DHX37: variants seen among roughly 807,000 people sequenced by gnomAD.
DHX37 encodes the protein DEAH-box helicase 37, also known as probable ATP-dependent RNA helicase DHX37.
DHX37 carries 52 observed loss-of-function variants against 134.3 expected under a neutral mutation model. That is an observed-to-expected ratio of 0.39 (90% confidence interval 0.31 to 0.49). The LOEUF (loss-of-function observed/expected upper bound fraction) is 0.49, where lower values mean the gene tolerates loss of function less well. Among genes scored for constraint, DHX37 ranks in the 20% least tolerant of loss-of-function variants. The pLI is 0.93. For missense variants in DHX37, 1,344 were observed against 1,580.8 expected, an observed-to-expected ratio of 0.85 and a Z score of 2.54; for synonymous variants, 634 against 670.7, an observed-to-expected ratio of 0.95 and a Z score of 0.85.
chr12:124,966,059 C>T (rs1334106883), intron 12 of DHX37, among the ~76,000 whole-genome samples: 1 of 152,212 alleles, frequency 6.6e-6, no homozygotes, highest in Non-Finnish European at 1.5e-5. Flanking sequence ...GAACCTGGAT[C>T]GCTGCCTGAC....
intron 8 of DHX37, among the ~76,000 whole-genome samples, chr12:124,970,573 G>A (rs1444354150): frequency 6.6e-6 from 1 of 152,138 alleles, no homozygotes; most frequent in Non-Finnish European, 1.5e-5. Context: ...TTCGGGTGAA[G>A]CCCTCACTAG....
chr12:124,986,788 C>T (rs906919826), intron 1 of DHX37, among the ~76,000 whole-genome samples: 1 of 152,012 alleles, frequency 6.6e-6, no homozygotes, highest in African/African-American at 2.4e-5. Flanking sequence ...CTTTGTCCCC[C>T]AGACTAGAGT....
In DHX37 at chr12:124,950,253, G is replaced by A; in HGVS notation, c.3122-10C>T. The A allele has an allele frequency of 6.2e-7, 1 of 1,613,396 alleles. No individual in the cohort carries two copies. The highest frequency in any genetic ancestry group is 8.5e-7 in the Non-Finnish European group (1 of 1,179,964). On this transcript the variant is annotated splice_polypyrimidine_tract_variant and intron_variant, in intron 23 of 26. Transcript: ENST00000308736. The stretch of plus-strand genomic sequence containing the variant: ...GGCCAGCCCACGCGATCTAGAAGGT[G>A]GGAGCCAGTGAGACAGGGACCCTCC...
intron 7 of DHX37, among the ~76,000 whole-genome samples, chr12:124,971,925 C>T (rs1046226583): frequency 2.0e-5 from 3 of 152,224 alleles, no homozygotes; most frequent in Admixed American, 1.3e-4. Flanking sequence ...ACTAGGGAGG[C>T]AGCAGCTGGG....
intron 5 of DHX37, among the ~76,000 whole-genome samples, 178 bp downstream of exon 5, chr12:124,977,164 C>T (rs1051412366): frequency 2.0e-5 from 3 of 152,210 alleles, no homozygotes; most frequent in African/African-American, 7.2e-5. Context: ...GAAGTAGGCG[C>T]TATTATTCCC....
At chr12:124,952,212 A>AT (rs202158089) in intron 21 of DHX37, among the ~76,000 whole-genome samples, 186 bp downstream of exon 21, 9 of 151,806 alleles carry the variant, frequency 5.9e-5, no homozygotes, top group African/African-American at 9.7e-5. Flanking sequence ...CTAAACTGTT[A>AT]TTAAAAAAAA....
intron 7 of DHX37, 151 bp downstream of exon 7, chr12:124,972,352 G>T: frequency 1.3e-6 from 1 of 742,108 alleles, no homozygotes; most frequent in South Asian, 1.6e-5. Context: ...AGCTTGGAGA[G>T]GTTAAGTAAC....
At chr12:124,953,045 G>A (rs10744187) in intron 20 of DHX37, 88,128 of 152,396 alleles carry the variant, frequency 0.58, 26,316 homozygotes, top group East Asian at 0.84. Flanking sequence ...AAGGCACAGC[G>A]AATGGCAGGA....
At chr12:124,948,562 C>A in intron 25 of DHX37, 1 of 262,602 alleles carries the variant, frequency 3.8e-6, no homozygotes, top group African/African-American at 2.2e-5. Context: ...GCCTGGCTAA[C>A]ATGGTGAAAC....
intron 5 of DHX37, among the ~76,000 whole-genome samples, chr12:124,975,748 GGGGCCTGGGGGAACCA>G (rs1954625357): frequency 6.6e-6 from 1 of 152,152 alleles, no homozygotes; most frequent in African/African-American, 2.4e-5. Context: ...TAGAAGGAAC[GGGGCCTGGGGGAACCA>G]GGCTGGGAGC....
chr12:124,954,361 T>C, intron 18 of DHX37, 150 bp from the exon 19 acceptor site: 1 of 1,237,954 alleles, frequency 8.1e-7, no homozygotes, highest in Non-Finnish European at 1.1e-6. Context: ...CAGCTCAAAA[T>C]TCACCATTGG....
intron 2 of DHX37, 64 bp from the exon 3 acceptor site, chr12:124,982,687 A>T (rs1237623541): frequency 2.5e-6 from 4 of 1,580,050 alleles, no homozygotes; most frequent in Non-Finnish European, 2.6e-6. Context: ...AAGGGAAGTG[A>T]GACTGTAATA....
At chr12:124,956,567 C>T in intron 18 of DHX37, 124 bp downstream of exon 18, 1 of 1,246,340 alleles carries the variant, frequency 8.0e-7, no homozygotes, top group Non-Finnish European at 1.1e-6. Flanking sequence ...CAGCTCACTG[C>T]AACCTCTACC....
At chr12:124,967,342 A>G in intron 10 of DHX37, 124 bp from the exon 11 acceptor site, 1 of 1,055,350 alleles carries the variant, frequency 9.5e-7, no homozygotes, top group Non-Finnish European at 1.4e-6. Flanking sequence ...GGACAGGAGT[A>G]CACAGACATA....
At chr12:124,967,630 T>C (rs1954417638) in intron 10 of DHX37, among the ~76,000 whole-genome samples, 1 of 152,166 alleles carries the variant, frequency 6.6e-6, no homozygotes, top group Admixed American at 6.5e-5. Flanking sequence ...CGAAAGGCCA[T>C]AAGCAGAGCA....
intron 1 of DHX37, among the ~76,000 whole-genome samples, chr12:124,986,575 G>A (rs1954877635): frequency 6.6e-6 from 1 of 151,868 alleles, no homozygotes. Context: ...GCCAGGTGTG[G>A]TGGTGGGTGC....
Position 124,947,772 on chromosome 12 carries a change from C to T in DHX37, c.*30G>A, listed in dbSNP as rs1289111153. The T allele has an allele frequency of 6.5e-7, 1 of 1,529,826 alleles. No individual in the cohort carries two copies. The highest frequency in any genetic ancestry group is 8.8e-7 in the Non-Finnish European group (1 of 1,137,928). The allele number at this position is 1,529,826 out of a possible 1,614,324, so 94.8% of individuals were successfully genotyped here. A position where few individuals can be genotyped will look rare whatever the true frequency, so the allele number is the denominator to read the frequency against. On this transcript the variant is annotated 3_prime_UTR_variant, in exon 27 of 27. Transcript: ENST00000308736. ...GCTGCCAGCCCTCCAGTCCCCAAAC[C>T]AGTCCTCGGCCCTGCAGCCAGGTTT...
In DHX37 at chr12:124,968,223, G is replaced by T. The variant is rs1368467696; in HGVS notation, c.1408+311C>A. 3.3e-4 allele frequency among the ~76,000 whole-genome samples: 50 copies of T among 152,114 alleles called. 1 individual carries two copies. Among genetic ancestry groups the T allele is most frequent in the Non-Finnish European group, 1.5e-5 (1 of 68,026 alleles). Reference sequence around the variant, plus strand: ...GAAGGGTATCCGTGACTCTTGGGGGGATGTGCCCGTTCCCCTACAGTGTCT... The same window carrying T: ...GAAGGGTATCCGTGACTCTTGGGGGTATGTGCCCGTTCCCCTACAGTGTCT... On this transcript the variant is annotated intron_variant, in intron 10 of 26. Coordinates refer to ENST00000308736, the MANE Select transcript of DHX37 (RefSeq NM_032656.4).
In DHX37 at chr12:124,977,434, C is replaced by A; in HGVS notation, c.795G>T (p.Val265=). The change falls in exon 5 of 27, where the codon GTG becomes GTT. Residue 265 remains valine (V), a synonymous_variant. Coordinates refer to ENST00000308736, the MANE Select transcript of DHX37 (RefSeq NM_032656.4). Reference sequence around the variant, plus strand: ...ACACGATGACGATGGGGTGCTCGGCCACAGCCTCCATGATTACTTGTTCTT... The same window carrying A: ...ACACGATGACGATGGGGTGCTCGGCAACAGCCTCCATGATTACTTGTTCTT... ...LSEEQVIMEA[V]AEHPIVIVCG... 6.2e-7 allele frequency: 1 copy of A among 1,611,342 alleles called. No individual in the cohort carries two copies. The highest frequency in any genetic ancestry group is 1.1e-5 in the South Asian group (1 of 90,714).
Sources: gnomAD v4.1 joint callset for allele counts (sites outside exome capture counted in the v4.1 genomes callset) on GRCh38, gnomAD v4.1.1 for gene constraint, MANE v1.5 for transcripts, NCBI Gene and HGNC (gene_info 2026-07-23, HGNC 2026-07-21) for gene names.